RHOA: variants seen among roughly 807,000 people sequenced by gnomAD.
The protein encoded by RHOA is ras homolog family member A.
In RHOA, 3 loss-of-function variants were observed where a neutral mutation model predicts 17.5. The ratio of observed to expected loss-of-function variants is 0.17; its 90% CI spans 0.08 to 0.44. RHOA has a LOEUF of 0.44. Among genes scored for constraint, RHOA ranks in the 20% least tolerant of loss-of-function variants. RHOA has a pLI of 0.99. For missense variants in RHOA, 56 were observed against 242.3 expected, an observed-to-expected ratio of 0.23 and a Z score of 5.10; for synonymous variants, 98 against 88.4, an observed-to-expected ratio of 1.11 and a Z score of -0.61.
chr3:49,375,311 T>C, intron 2 of RHOA, 123 bp downstream of exon 2: 1 of 905,118 alleles, frequency 1.1e-6, no homozygotes, highest in Non-Finnish European at 1.6e-6. Flanking sequence ...TGAGAATGGA[T>C]TCTTCTTTCC....
chr3:49,408,646 G>C (rs550047143), intron 1 of RHOA, among the ~76,000 whole-genome samples: 10 of 148,314 alleles, frequency 6.7e-5, no homozygotes, highest in South Asian at 6.4e-4. Flanking sequence ...AAATGAGCAT[G>C]TCCCCAAAGA....
intron 1 of RHOA, among the ~76,000 whole-genome samples, chr3:49,382,660 T>C (rs577383711): frequency 6.6e-6 from 1 of 152,084 alleles, no homozygotes; most frequent in Admixed American, 6.6e-5. Flanking sequence ...TAATAAACTT[T>C]ACATCTCTCA....
chr3:49,380,054 TTGGAGA>T (rs1438617950), intron 1 of RHOA, among the ~76,000 whole-genome samples: 2 of 152,178 alleles, frequency 1.3e-5, no homozygotes, highest in African/African-American at 4.8e-5. Context: ...CTAGCTTCCC[TTGGAGA>T]CATGGCCATG....
intron 2 of RHOA, among the ~76,000 whole-genome samples, chr3:49,369,721 C>T (rs964366657): frequency 9.5e-5 from 14 of 147,800 alleles, no homozygotes; most frequent in Admixed American, 4.8e-4. Context: ...CCAGCATGGG[C>T]GACAAAGCGA....
chr3:49,400,283 A>C (rs1437860383), intron 1 of RHOA, among the ~76,000 whole-genome samples: 3 of 149,340 alleles, frequency 2.0e-5, no homozygotes, highest in Non-Finnish European at 3.0e-5. Flanking sequence ...CATCTTCCCT[A>C]GTCTAACCAA....
intron 2 of RHOA, among the ~76,000 whole-genome samples, chr3:49,373,811 A>G (rs749058086): frequency 2.0e-5 from 3 of 149,570 alleles, no homozygotes; most frequent in African/African-American, 4.9e-5. Flanking sequence ...ATTTAAGAGA[A>G]AAAAAAAAAA....
At chr3:49,363,114 C>A (rs943614466) in intron 3 of RHOA, among the ~76,000 whole-genome samples, 2 of 152,186 alleles carry the variant, frequency 1.3e-5, no homozygotes, top group Non-Finnish European at 2.9e-5. Context: ...ACTGGTATTT[C>A]AAATGGCTGA....
chr3:49,385,513 G>GCC (rs1368616347), intron 1 of RHOA, among the ~76,000 whole-genome samples: 1 of 151,974 alleles, frequency 6.6e-6, no homozygotes, highest in African/African-American at 2.4e-5. Context: ...ACCGCACCCA[G>GCC]CCCCCATTGC....
intron 1 of RHOA, among the ~76,000 whole-genome samples, chr3:49,386,911 G>A (rs959788724): frequency 1.3e-5 from 2 of 150,874 alleles, no homozygotes; most frequent in East Asian, 3.9e-4. Context: ...TCAGGAAATC[G>A]AGACCAGTCT....
chr3:49,364,382 G>T (rs552461574), intron 3 of RHOA, among the ~76,000 whole-genome samples: 1 of 152,210 alleles, frequency 6.6e-6, no homozygotes, highest in Non-Finnish European at 1.5e-5. Context: ...CTACTTGAGA[G>T]GCTGAGGCTG....
intron 2 of RHOA, among the ~76,000 whole-genome samples, chr3:49,369,896 C>T (rs1178096097): frequency 6.6e-6 from 1 of 152,046 alleles, no homozygotes; most frequent in Non-Finnish European, 1.5e-5. Context: ...GGAGAAACCC[C>T]ATCTCTACTG....
chr3:49,406,300 A>G (rs1172342564), intron 1 of RHOA, among the ~76,000 whole-genome samples: 1 of 152,222 alleles, frequency 6.6e-6, no homozygotes, highest in Non-Finnish European at 1.5e-5. Context: ...AAGAGACACC[A>G]GAGAATCACA....
rs576108074 is a variant in RHOA at position 49,369,881 on chromosome 3, A to G, written c.157-1333T>C. Among the ~76,000 whole-genome samples, 6 of 152,304 alleles carry G rather than the reference A, an allele frequency of 3.9e-5. No homozygotes were observed. The East Asian group carries it at 1.2e-3, about 29-fold the overall frequency. On this transcript the variant is annotated intron_variant, in intron 2 of 4. Coordinates refer to ENST00000418115, the MANE Select transcript of RHOA (RefSeq NM_001664.4). ...TCGGAAGTTCGAGACTAGCCTGACA[A>G]ATGTGGAGAAACCCCATCTCTACTG...
Position 49,404,433 on chromosome 3 carries a change from A to ACACACACACACACACACACACACACAC in RHOA, c.-3+7386_-3+7387insGTGTGTGTGTGTGTGTGTGTGTGTGTG, listed in dbSNP as rs1553636256. Among the ~76,000 whole-genome samples, 704 of 90,698 alleles carry ACACACACACACACACACACACACACAC rather than the reference A, an allele frequency of 7.8e-3. 82 individuals carry two copies. The East Asian group carries it at 0.11, about 14-fold the overall frequency. 59.5% of individuals were successfully genotyped at this position (90,698 alleles called of 152,430 possible). A position where few individuals can be genotyped will look rare whatever the true frequency, so the allele number is the denominator to read the frequency against. ...CAAAGTAAAACCCCGTCTCTAGTAA[A>ACACACACACACACACACACACACACAC]ACACACACACACACACACACACACA... On this transcript the variant is annotated intron_variant, in intron 1 of 4. Transcript: ENST00000418115.
At chr3:49,405,571 G>A (rs2048819733) in intron 1 of RHOA, among the ~76,000 whole-genome samples, 2 of 152,196 alleles carry the variant, frequency 1.3e-5, no homozygotes, top group Admixed American at 1.3e-4. Context: ...TTACAAAGGA[G>A]ACATACTACT....
intron 1 of RHOA, among the ~76,000 whole-genome samples, chr3:49,379,953 G>C (rs1559504149): frequency 6.6e-6 from 1 of 152,232 alleles, no homozygotes; most frequent in Non-Finnish European, 1.5e-5. Context: ...CCATCTGGCA[G>C]ACAGTGATGG....
intron 1 of RHOA, among the ~76,000 whole-genome samples, chr3:49,409,648 T>A (rs2048899806): frequency 6.6e-6 from 1 of 152,146 alleles, no homozygotes; most frequent in Non-Finnish European, 1.5e-5. Context: ...CTGCATGGAC[T>A]CCACCCCATG....
chr3:49,380,931 CGT>C (rs571180466), intron 1 of RHOA, among the ~76,000 whole-genome samples: 1,444 of 68,322 alleles, frequency 0.021, 24 homozygotes, highest in African/African-American at 0.058. Context: ...GCAGTGAATA[CGT>C]GTGTGTGTAT....
intron 4 of RHOA, 150 bp downstream of exon 4, chr3:49,362,346 T>A: frequency 1.4e-6 from 1 of 701,550 alleles, no homozygotes; most frequent in Non-Finnish European, 2.3e-6. Context: ...TCTGTGAAGA[T>A]CCCAATTAAT....
Sources: allele counts gnomAD v4.1 joint callset (sites outside exome capture counted in the v4.1 genomes callset), GRCh38; gene constraint gnomAD v4.1.1; transcripts MANE v1.5; gene names NCBI Gene and HGNC (gene_info 2026-07-23, HGNC 2026-07-21).